The following GCA variants were observed in gnomAD, a reference collection of about 807,000 sequenced individuals.
The protein encoded by GCA is grancalcin, also known as grancalcin, EF-hand calcium-binding protein.
In GCA, 30 loss-of-function variants were observed where a neutral mutation model predicts 32.6. The observed-to-expected ratio is 0.92, with a 90% CI of 0.69 to 1.25. The LOEUF (loss-of-function observed/expected upper bound fraction) is 1.25, where lower values mean the gene tolerates loss of function less well. GCA is among the 50% of genes most tolerant of loss of function. The probability of loss-of-function intolerance (pLI) is 0.00; values close to 1 mark genes in which losing one functional copy is unlikely to be tolerated. For missense variants in GCA, 291 were observed against 266.8 expected (o/e 1.09, Z -0.63); for synonymous variants, 102 against 84.6 (o/e 1.21, Z -1.13).
At chr2:162,364,486 T>G (rs1685690986), downstream of GCA, among the ~76,000 whole-genome samples, 1 of 151,544 alleles carries the variant, frequency 6.6e-6, no homozygotes, top group South Asian at 2.1e-4. Flanking sequence ...TAGATTCTCA[T>G]TTTCTGATCA....
chr2:162,321,490 T>C (rs1409105425), intron 1 of GCA, among the ~76,000 whole-genome samples: 1 of 152,182 alleles, frequency 6.6e-6, no homozygotes, highest in Non-Finnish European at 1.5e-5. Flanking sequence ...CTGGAATTGT[T>C]GTTCTGTTCC....
At chr2:162,322,363 A>G (rs116698596) in intron 1 of GCA, among the ~76,000 whole-genome samples, 3,788 of 151,372 alleles carry the variant, frequency 0.025, 222 homozygotes, top group African/African-American at 0.087. Context: ...CTCAAAGGCT[A>G]GATTGTAATT....
At chr2:162,320,895 T>C (rs1683638669) in intron 1 of GCA, among the ~76,000 whole-genome samples, 1 of 152,158 alleles carries the variant, frequency 6.6e-6, no homozygotes, top group African/African-American at 2.4e-5. Flanking sequence ...CATAATAATG[T>C]ATATTACAGT....
chr2:162,354,924 A>G (rs1004030008), intron 3 of GCA, among the ~76,000 whole-genome samples: 2 of 152,194 alleles, frequency 1.3e-5, no homozygotes, highest in Non-Finnish European at 2.9e-5. Context: ...TTCTTCTTAT[A>G]CATACACATT....
At chr2:162,365,513 A>T (rs1198107073), downstream of GCA, among the ~76,000 whole-genome samples, 1 of 151,670 alleles carries the variant, frequency 6.6e-6, no homozygotes, top group Non-Finnish European at 1.5e-5. Flanking sequence ...AAAACTAGGA[A>T]ATAGTATGTG....
chr2:162,335,866 T>C (rs1445822197), intron 1 of GCA, among the ~76,000 whole-genome samples: 2 of 152,222 alleles, frequency 1.3e-5, no homozygotes, highest in Non-Finnish European at 2.9e-5. Flanking sequence ...TTAGCATGGA[T>C]GATAATGACT....
rs145937230 is a variant in GCA, at chr2:162,352,766, C to G, written c.262+359C>G. On this transcript the variant is annotated intron_variant, in intron 3 of 7. Transcript: ENST00000437150. The stretch of plus-strand genomic sequence containing the variant: ...GATTTCACTTTATTTTAACCTTAAA[C>G]TCTCCCCTGTCTCTGCACTCCACAG... Among the ~76,000 whole-genome samples, 1,274 of 152,236 alleles carry G rather than the reference C, an allele frequency of 8.4e-3. 9 individuals are homozygous for G. The highest frequency in any genetic ancestry group is 0.013 in the Non-Finnish European group (894 of 68,012).
At chr2:162,341,117 T>C (rs1403752227), upstream of GCA, among the ~76,000 whole-genome samples, 1 of 151,970 alleles carries the variant, frequency 6.6e-6, no homozygotes, top group East Asian at 1.9e-4. Context: ...TATTGATGTA[T>C]GTTTTCCACA....
At chr2:162,356,699 T>C in intron 4 of GCA, 59 bp from the exon 5 acceptor site, 1 of 1,309,074 alleles carries the variant, frequency 7.6e-7, no homozygotes, top group Non-Finnish European at 1.1e-6. Context: ...TTTTAGTCAA[T>C]GATTTAGAGT....
intron 1 of GCA, among the ~76,000 whole-genome samples, chr2:162,336,309 T>C (rs1177751725): frequency 2.0e-5 from 3 of 152,174 alleles, no homozygotes; most frequent in Non-Finnish European, 4.4e-5. Context: ...TGTAGATTTA[T>C]TTAAAATAAT....
At chr2:162,363,694 C>T (rs1051648722), downstream of GCA, among the ~76,000 whole-genome samples, 1 of 151,356 alleles carries the variant, frequency 6.6e-6, no homozygotes, top group African/African-American at 2.4e-5. Context: ...TATTTGAATG[C>T]TGGGAAATCT....
chr2:162,343,715 T>G (rs1290857944), upstream of GCA, among the ~76,000 whole-genome samples: 1 of 152,136 alleles, frequency 6.6e-6, no homozygotes, highest in Non-Finnish European at 1.5e-5. Flanking sequence ...AACTGCAAAA[T>G]TTTGAAATTC....
At chr2:162,373,955 C>T (rs1013337505), downstream of GCA, among the ~76,000 whole-genome samples, 37 of 152,154 alleles carry the variant, frequency 2.4e-4, no homozygotes, top group African/African-American at 8.7e-4. Context: ...ATGTAAAACA[C>T]ACTGACAATT....
At chr2:162,364,302 TA>T (rs1685683469), downstream of GCA, among the ~76,000 whole-genome samples, 1 of 151,490 alleles carries the variant, frequency 6.6e-6, no homozygotes, top group Non-Finnish European at 1.5e-5. Context: ...ACATACTTAT[TA>T]AATATTCATT....
At chr2:162,334,097 T>C (rs1438890381) in intron 1 of GCA, among the ~76,000 whole-genome samples, 5 of 152,190 alleles carry the variant, frequency 3.3e-5, no homozygotes. Context: ...AAGGTGTAAG[T>C]GGGAAAGCCT....
At chr2:162,322,886 A>G (rs1267350478) in intron 1 of GCA, among the ~76,000 whole-genome samples, 1 of 151,866 alleles carries the variant, frequency 6.6e-6, no homozygotes, top group African/African-American at 2.4e-5. Flanking sequence ...ATGTGTCTTT[A>G]TAGCAGCAAG....
At position 162,347,733 on chromosome 2, in the gene GCA, T is replaced by C. The variant is rs1684783688; in HGVS notation, c.183T>C (p.Val61=). Residue 61 remains valine, a synonymous_variant, in exon 2 of 8, where the codon GTT becomes GTC. Coordinates refer to ENST00000437150, the MANE Select transcript of GCA (RefSeq NM_012198.5). ...GDSVYTYFSA[V]AGQDGEVDAE... Reference sequence around the variant, plus strand: ...CCGTGTATACTTACTTCAGTGCTGTTGCTGGACAGGTGAGATGCTAAATTT... The same window carrying C: ...CCGTGTATACTTACTTCAGTGCTGTCGCTGGACAGGTGAGATGCTAAATTT... The C allele has an allele frequency of 6.5e-7, 1 of 1,539,100 alleles. No homozygotes were observed.
In GCA at chr2:162,356,389, T is replaced by C. The variant is rs751290938; in HGVS notation, c.263-49T>C. 24 of 1,005,558 alleles carry C rather than the reference T, an allele frequency of 2.4e-5. No homozygotes were observed. In the South Asian group the frequency reaches 2.9e-4, roughly 12 times the overall value. 62.3% of individuals were successfully genotyped at this position (1,005,558 alleles called of 1,614,324 possible). On this transcript the variant is annotated intron_variant, in intron 3 of 7. Transcript: ENST00000437150. ...AACTGGAGATTGTCATAATTTTACA[T>C]AGATAAAGTTGGGCATACTCTAATT...
downstream of GCA, among the ~76,000 whole-genome samples, chr2:162,375,391 C>T (rs1346991253): frequency 1.3e-5 from 2 of 152,144 alleles, no homozygotes; most frequent in Admixed American, 1.3e-4. Flanking sequence ...ATCTCTTTAT[C>T]ATGGATTCTA....
Sources: allele counts gnomAD v4.1 joint callset (sites outside exome capture counted in the v4.1 genomes callset), GRCh38; gene constraint gnomAD v4.1.1; transcripts MANE v1.5; gene names NCBI Gene and HGNC (gene_info 2026-07-23, HGNC 2026-07-21).